FBXL17: variants seen among roughly 807,000 people sequenced by gnomAD.
FBXL17 encodes the protein F-box/LRR-repeat protein 17.
FBXL17 carries 22 observed loss-of-function variants against 66.2 expected under a neutral mutation model. That is an observed-to-expected ratio of 0.33 (90% CI 0.24 to 0.47). FBXL17 has a LOEUF of 0.47. Ranked by LOEUF, FBXL17 falls within the 20% of genes least tolerant of loss-of-function variation. The pLI, the probability that FBXL17 is intolerant of heterozygous loss-of-function variation, is 1.00. For missense variants in FBXL17, 878 were observed against 948.2 expected (o/e 0.93, Z 0.97); for synonymous variants, 474 against 400.5 (o/e 1.18, Z -2.19).
At chr5:108,009,981 A>G (rs1323951071) in intron 7 of FBXL17, among the ~76,000 whole-genome samples, 1 of 152,132 alleles carries the variant, frequency 6.6e-6, no homozygotes, top group African/African-American at 2.4e-5. Flanking sequence ...CCGGTTTTCT[A>G]CCCTCTAGCA....
chr5:107,998,357 T>C (rs977475280), intron 7 of FBXL17, among the ~76,000 whole-genome samples: 3 of 152,130 alleles, frequency 2.0e-5, no homozygotes, highest in Non-Finnish European at 4.4e-5. Flanking sequence ...TACATAGCAA[T>C]TACTTTCTTC....
intron 4 of FBXL17, among the ~76,000 whole-genome samples, chr5:108,245,868 T>G (rs1204024730): frequency 6.6e-6 from 1 of 152,190 alleles, no homozygotes; most frequent in African/African-American, 2.4e-5. Context: ...AAGGAAGTTT[T>G]GGGGTATTTT....
At chr5:108,039,603 T>C (rs949234802) in intron 6 of FBXL17, among the ~76,000 whole-genome samples, 2 of 152,072 alleles carry the variant, frequency 1.3e-5, no homozygotes, top group Admixed American at 6.6e-5. Context: ...TCATAGTCAA[T>C]ATTATAAGTA....
intron 7 of FBXL17, among the ~76,000 whole-genome samples, chr5:107,996,826 A>G (rs1271273808): frequency 6.6e-6 from 1 of 152,206 alleles, no homozygotes; most frequent in East Asian, 1.9e-4. Context: ...GCTTGCCTCC[A>G]AAGCATTGAA....
chr5:108,096,437 G>A (rs1013451370), intron 6 of FBXL17, among the ~76,000 whole-genome samples: 3 of 152,104 alleles, frequency 2.0e-5, no homozygotes, highest in South Asian at 2.1e-4. Flanking sequence ...AATACCAAAC[G>A]TATGGAAGAT....
chr5:108,342,556 C>T (rs1051876405), intron 4 of FBXL17, among the ~76,000 whole-genome samples: 2 of 152,120 alleles, frequency 1.3e-5, no homozygotes. Context: ...GAAGTTGCTA[C>T]TTGGTTCAAA....
intron 6 of FBXL17, among the ~76,000 whole-genome samples, chr5:108,059,633 G>GTTCA (rs1389954255): frequency 6.6e-6 from 1 of 152,168 alleles, no homozygotes; most frequent in Non-Finnish European, 1.5e-5. Flanking sequence ...TTGCTTTGCT[G>GTTCA]TTTTTGTTCT....
chr5:108,036,475 C>T (rs1034795250), intron 6 of FBXL17, among the ~76,000 whole-genome samples: 2 of 152,120 alleles, frequency 1.3e-5, no homozygotes, highest in African/African-American at 2.4e-5. Context: ...ATTTACATTC[C>T]GTATCTGGCC....
chr5:108,302,360 C>T (rs1398564846), intron 4 of FBXL17, among the ~76,000 whole-genome samples: 1 of 151,718 alleles, frequency 6.6e-6, no homozygotes, highest in Non-Finnish European at 1.5e-5. Flanking sequence ...CAAACAAAAT[C>T]CCAAAATAAA....
chr5:108,231,780 A>G (rs530593208), intron 4 of FBXL17, among the ~76,000 whole-genome samples: 1 of 152,164 alleles, frequency 6.6e-6, no homozygotes, highest in African/African-American at 2.4e-5. Flanking sequence ...CTACTACTCC[A>G]TAAAAGAGAT....
chr5:108,098,359 C>T (rs577363855), intron 6 of FBXL17, among the ~76,000 whole-genome samples: 1 of 151,942 alleles, frequency 6.6e-6, no homozygotes, highest in East Asian at 1.9e-4. Flanking sequence ...AGAGTGAGAC[C>T]CCGTCTGAAA....
chr5:108,071,828 T>G (rs1748345770), intron 6 of FBXL17, among the ~76,000 whole-genome samples: 1 of 152,180 alleles, frequency 6.6e-6, no homozygotes, highest in African/African-American at 2.4e-5. Flanking sequence ...TATGTTATAA[T>G]CTAGTTTAGA....
At chr5:108,086,370 C>T (rs906159064) in intron 6 of FBXL17, among the ~76,000 whole-genome samples, 3 of 152,174 alleles carry the variant, frequency 2.0e-5, no homozygotes, top group Non-Finnish European at 4.4e-5. Flanking sequence ...AGATCATAGC[C>T]TTTTGTCCAA....
In FBXL17 at chr5:107,976,789, A is replaced by C. The variant is rs185336085; in HGVS notation, c.1822+44136T>G. On this transcript the variant is annotated intron_variant, in intron 7 of 8. Transcript: ENST00000542267. ...GACAATAACATATATAACAGACTTCAATATATTAATAAACAGTGTTTAAGG... is the reference window on the plus strand; with the variant it reads ...GACAATAACATATATAACAGACTTCCATATATTAATAAACAGTGTTTAAGG... Among the ~76,000 whole-genome samples, 304 of 152,314 alleles carry C rather than the reference A, an allele frequency of 2.0e-3. 1 individual carries two copies. Among genetic ancestry groups the C allele is most frequent in the Non-Finnish European group, 3.2e-3 (216 of 68,024 alleles).
intron 7 of FBXL17, among the ~76,000 whole-genome samples, chr5:107,986,884 C>T (rs1423070247): frequency 6.6e-6 from 1 of 151,804 alleles, no homozygotes; most frequent in Non-Finnish European, 1.5e-5. Context: ...TAATTTTAAC[C>T]TGGAAGATAA....
At chr5:108,056,771 AAT>A (rs1467383978) in intron 6 of FBXL17, among the ~76,000 whole-genome samples, 1 of 152,224 alleles carries the variant, frequency 6.6e-6, no homozygotes, top group Non-Finnish European at 1.5e-5. Flanking sequence ...AAATGTCACC[AAT>A]TTAAGCACAT....
rs559177569 is a variant in FBXL17, at chr5:107,986,191, ATACAGG to A, written c.1822+34728_1822+34733del. ...GCTGAGGTAGGTAGTTTAATATCTGATACAGGTATAAACTTTTTATACTGATAAATA... is the reference window on the plus strand; with the variant it reads ...GCTGAGGTAGGTAGTTTAATATCTGATATAAACTTTTTATACTGATAAATA... On this transcript the variant is annotated intron_variant, in intron 7 of 8. Coordinates refer to ENST00000542267, the MANE Select transcript of FBXL17 (RefSeq NM_001163315.3). Among the ~76,000 whole-genome samples the A allele has an allele frequency of 3.9e-3, 594 of 152,150 alleles. 5 individuals are homozygous for A. Among genetic ancestry groups the A allele is most frequent in the Middle Eastern group, 0.014 (4 of 288 alleles).
chr5:108,299,263 G>A (rs1758478863), intron 4 of FBXL17: 6 of 984,994 alleles, frequency 6.1e-6, no homozygotes, highest in Non-Finnish European at 7.2e-6. Context: ...AAGCGTTAGG[G>A]CAGATCCCTC....
intron 5 of FBXL17, among the ~76,000 whole-genome samples, chr5:108,202,360 A>C (rs1156282500): frequency 6.6e-6 from 1 of 152,200 alleles, no homozygotes; most frequent in Non-Finnish European, 1.5e-5. Flanking sequence ...GAGTTATAAA[A>C]GAGTACCCTC....
Sources: allele counts gnomAD v4.1 joint callset (sites outside exome capture counted in the v4.1 genomes callset), GRCh38; gene constraint gnomAD v4.1.1; transcripts MANE v1.5; gene names NCBI Gene and HGNC (gene_info 2026-07-23, HGNC 2026-07-21).